SHISA9: variants seen among roughly 807,000 people sequenced by gnomAD.
SHISA9 encodes the protein shisa family member 9, also known as protein shisa-9.
In SHISA9, 13 loss-of-function variants were observed where a neutral mutation model predicts 38.0. The observed-to-expected ratio is 0.34, with a 90% CI of 0.22 to 0.54. SHISA9 has a LOEUF of 0.54. Among genes scored for constraint, SHISA9 ranks in the 20% least tolerant of loss-of-function variants. The pLI is 0.91. For missense variants in SHISA9, 538 were observed against 575.8 expected, an observed-to-expected ratio of 0.93 and a Z score of 0.67; for synonymous variants, 275 against 242.0, an observed-to-expected ratio of 1.14 and a Z score of -1.27.
intron 3 of SHISA9, among the ~76,000 whole-genome samples, chr16:13,206,492 C>T (rs1267680416): frequency 1.3e-5 from 2 of 152,180 alleles, no homozygotes; most frequent in East Asian, 1.9e-4. Flanking sequence ...AATCAACACA[C>T]ATCAGATTCA....
the SHISA9 span, among the ~76,000 whole-genome samples, chr16:13,282,818 C>G: frequency 1.3e-5 from 2 of 152,048 alleles, no homozygotes; most frequent in Admixed American, 6.6e-5. Flanking sequence ...CTTCTAAGTT[C>G]TAGCCTTTTC....
the SHISA9 span, among the ~76,000 whole-genome samples, chr16:13,344,317 C>G: frequency 3.9e-4 from 60 of 152,218 alleles, no homozygotes; most frequent in South Asian, 0.012. Context: ...GGTTTTATAA[C>G]AATTCATCTA....
the SHISA9 span, among the ~76,000 whole-genome samples, chr16:13,417,165 G>A: frequency 0.011 from 1,670 of 152,250 alleles, 22 homozygotes; most frequent in Non-Finnish European, 0.019. Flanking sequence ...TGATGCAGTC[G>A]TTCTCAGGAA....
chr16:13,342,318 T>A, the SHISA9 span, among the ~76,000 whole-genome samples: 1 of 152,060 alleles, frequency 6.6e-6, no homozygotes, highest in African/African-American at 2.4e-5. Flanking sequence ...ATTTTTTTTT[T>A]AAGACAGAGT....
intron 2 of SHISA9, among the ~76,000 whole-genome samples, chr16:13,121,598 A>G (rs1222928793): frequency 6.6e-6 from 1 of 152,142 alleles, no homozygotes; most frequent in African/African-American, 2.4e-5. Context: ...CAAAACTCTA[A>G]TAAGCAGTCT....
chr16:13,160,746 C>T (rs1308442900), intron 2 of SHISA9, among the ~76,000 whole-genome samples: 1 of 152,210 alleles, frequency 6.6e-6, no homozygotes, highest in African/African-American at 2.4e-5. Context: ...CATTTCACAA[C>T]CTCCTTGTCA....
At chr16:13,529,933 G>A in the SHISA9 span, among the ~76,000 whole-genome samples, 1 of 152,200 alleles carries the variant, frequency 6.6e-6, no homozygotes, top group African/African-American at 2.4e-5. Flanking sequence ...TGACATAACT[G>A]CAGCCAATGA....
chr16:13,142,189 C>T (rs539771125), intron 2 of SHISA9, among the ~76,000 whole-genome samples: 9 of 152,180 alleles, frequency 5.9e-5, no homozygotes, highest in East Asian at 5.8e-4. Context: ...GTGGACTGGG[C>T]GAAGTGGGAG....
intron 2 of SHISA9, among the ~76,000 whole-genome samples, chr16:13,084,439 G>A (rs1261934574): frequency 6.6e-6 from 1 of 152,182 alleles, no homozygotes; most frequent in Non-Finnish European, 1.5e-5. Context: ...AGGCTTGTGG[G>A]AAAATGCAGT....
At chr16:13,320,290 C>T in the SHISA9 span, among the ~76,000 whole-genome samples, 3 of 17,422 alleles carry the variant, frequency 1.7e-4, no homozygotes, top group African/African-American at 6.7e-4. Context: ...GAGACTCTGT[C>T]TCAAAAAAAA....
Position 13,196,950 on chromosome 16 carries a change from C to T in SHISA9, c.692-6444C>T, listed in dbSNP as rs568832708. Among the ~76,000 whole-genome samples the T allele has an allele frequency of 1.5e-4, 23 of 152,150 alleles. No individual in the cohort carries two copies. The East Asian group carries it at 2.5e-3, about 17-fold the overall frequency. Reference sequence around the variant, plus strand: ...CTCCACTAAAAATACAAACATTAGCCGGACATGGTGGTTCACACCTGTAAT... The same window carrying T: ...CTCCACTAAAAATACAAACATTAGCTGGACATGGTGGTTCACACCTGTAAT... On this transcript the variant is annotated intron_variant, in intron 2 of 4. Coordinates refer to ENST00000558583, the MANE Select transcript of SHISA9 (RefSeq NM_001145204.3).
chr16:12,923,309 C>T (rs1280882728), intron 2 of SHISA9, among the ~76,000 whole-genome samples: 1 of 152,136 alleles, frequency 6.6e-6, no homozygotes, highest in Non-Finnish European at 1.5e-5. Context: ...GCAGCAGATC[C>T]CTTGAGGCCA....
chr16:13,248,969 C>T, the SHISA9 span, among the ~76,000 whole-genome samples: 1 of 152,126 alleles, frequency 6.6e-6, no homozygotes, highest in South Asian at 2.1e-4. Context: ...TCTTATGTGC[C>T]TATGAGTCGA....
the SHISA9 span, among the ~76,000 whole-genome samples, chr16:13,405,178 T>C: frequency 6.6e-6 from 1 of 152,224 alleles, no homozygotes; most frequent in Non-Finnish European, 1.5e-5. Flanking sequence ...GGTTCATTTG[T>C]CAATAATTGC....
At position 12,902,036 on chromosome 16, in the gene SHISA9, G is replaced by T; in HGVS notation, c.-29G>T. 1 of 1,432,286 alleles carries T rather than the reference G, an allele frequency of 7.0e-7. No homozygotes were observed. Among genetic ancestry groups the T allele is most frequent in the South Asian group, 1.4e-5 (1 of 71,060 alleles). 88.7% of individuals were successfully genotyped at this position (1,432,286 alleles called of 1,614,324 possible). On this transcript the variant is annotated 5_prime_UTR_variant, in exon 1 of 5. Transcript: ENST00000558583. Reference sequence around the variant, plus strand: ...GGCCGCAGAGGCTCCAGCGGCGGCCGAGCGGCCGAGCCCGGGCTGGGAGAC... The same window carrying T: ...GGCCGCAGAGGCTCCAGCGGCGGCCTAGCGGCCGAGCCCGGGCTGGGAGAC...
the SHISA9 span, among the ~76,000 whole-genome samples, chr16:13,531,639 A>G: frequency 6.6e-6 from 1 of 152,214 alleles, no homozygotes; most frequent in Non-Finnish European, 1.5e-5. Flanking sequence ...AAGGCAAATT[A>G]GCAGGGTCCC....
intron 2 of SHISA9, among the ~76,000 whole-genome samples, chr16:13,177,743 C>G (rs1427611709): frequency 1.3e-5 from 2 of 152,170 alleles, no homozygotes. Flanking sequence ...AGTCTAGGCT[C>G]ACTGCAACCT....
At chr16:12,976,891 CA>C (rs1211165688) in intron 2 of SHISA9, among the ~76,000 whole-genome samples, 1 of 152,092 alleles carries the variant, frequency 6.6e-6, no homozygotes, top group Non-Finnish European at 1.5e-5. Context: ...GAAAGTGAGC[CA>C]GGGGCAGCTT....
intron 2 of SHISA9, among the ~76,000 whole-genome samples, chr16:13,107,472 GACACACACACACACACACACACAC>G (rs34291803): frequency 1.9e-4 from 28 of 144,438 alleles, no homozygotes; most frequent in African/African-American, 4.4e-4. Context: ...AAAAACAACA[GACACACACACACACACACACACAC>G]ACACACACAC....
Sources: allele counts gnomAD v4.1 joint callset (sites outside exome capture counted in the v4.1 genomes callset), GRCh38; gene constraint gnomAD v4.1.1; transcripts MANE v1.5; gene names NCBI Gene and HGNC (gene_info 2026-07-23, HGNC 2026-07-21).